Variants in FOXP1 observed in about 807,000 individuals in gnomAD.
FOXP1 encodes the protein forkhead box P1, also known as forkhead box protein P1.
In FOXP1, 15 loss-of-function variants were observed where a neutral mutation model predicts 98.2. The observed-to-expected ratio is 0.15, with a 90% confidence interval of 0.10 to 0.24. FOXP1 has a LOEUF of 0.24. Ranked by LOEUF, FOXP1 falls within the 10% of genes least tolerant of loss-of-function variation. The probability of loss-of-function intolerance (pLI) is 1.00; values close to 1 mark genes in which losing one functional copy is unlikely to be tolerated. For missense variants in FOXP1, 633 were observed against 848.5 expected (o/e 0.75, Z 3.15); for synonymous variants, 371 against 314.5 (o/e 1.18, Z -1.90).
chr3:71,581,798 GGACA>G (rs2048192044), intron 1 of FOXP1, 101 bp from the exon 2 acceptor site: 1 of 986,048 alleles, frequency 1.0e-6, no homozygotes. Flanking sequence ...CGAGGGGCCA[GGACA>G]GAGAGGGCAG....
chr3:71,133,942 AAATTG>A (rs1165415911), intron 6 of FOXP1, among the ~76,000 whole-genome samples: 2 of 152,168 alleles, frequency 1.3e-5, no homozygotes, highest in African/African-American at 4.8e-5. Flanking sequence ...TTTAAATTTT[AAATTG>A]AATATTTTTC....
chr3:71,370,363 C>T (rs189337479), intron 3 of FOXP1, among the ~76,000 whole-genome samples: 6 of 152,316 alleles, frequency 3.9e-5, no homozygotes, highest in Admixed American at 3.3e-4. Context: ...CACACTGACA[C>T]TGCTTTTCTA....
chr3:71,324,429 T>A (rs960219110), intron 4 of FOXP1, among the ~76,000 whole-genome samples: 1 of 152,298 alleles, frequency 6.6e-6, no homozygotes, highest in South Asian at 2.1e-4. Flanking sequence ...TGGAATACTA[T>A]GCAGCCATAA....
At chr3:71,450,959 G>A (rs1040690453) in intron 3 of FOXP1, among the ~76,000 whole-genome samples, 1 of 152,132 alleles carries the variant, frequency 6.6e-6, no homozygotes, top group Admixed American at 6.5e-5. Context: ...CACTACAGGC[G>A]TTTAGCCTTC....
At chr3:71,278,811 A>G (rs1033152906) in intron 5 of FOXP1, among the ~76,000 whole-genome samples, 2 of 152,062 alleles carry the variant, frequency 1.3e-5, no homozygotes, top group Admixed American at 6.5e-5. Context: ...ATTCCTAACA[A>G]GTAAAATACC....
chr3:70,981,485 C>T (rs923324658), intron 14 of FOXP1, among the ~76,000 whole-genome samples: 12 of 152,288 alleles, frequency 7.9e-5, no homozygotes, highest in East Asian at 1.9e-4. Flanking sequence ...TTAGGAGACG[C>T]GGATGGAGGT....
intron 17 of FOXP1, among the ~76,000 whole-genome samples, chr3:70,976,274 T>C (rs2037507606): frequency 6.6e-6 from 1 of 152,096 alleles, no homozygotes; most frequent in Non-Finnish European, 1.5e-5. Flanking sequence ...GGCTGGTCTC[T>C]AACTCCTGAG....
chr3:70,977,033 C>G lies in FOXP1; in HGVS notation c.1438G>C (p.Glu480Gln), dbSNP rs1434208843. The change falls in exon 17 of 21, where the codon GAA becomes CAA. Residue 480 changes from glutamate to glutamine, a missense_variant. Transcript: ENST00000649528. Reference sequence around the variant, plus strand: ...AGTGTTAGCTGCTTTTCTGGAGATTCGAGAATGGCCTGTGAAGCAGAATGT... The same window carrying G: ...AGTGTTAGCTGCTTTTCTGGAGATTGGAGAATGGCCTGTGAAGCAGAATGT... ...YASLIRQAIL[E>Q]SPEKQLTLNE... 1.9e-6 allele frequency: 3 copies of G among 1,610,778 alleles called. No homozygotes were observed. Among genetic ancestry groups the G allele is most frequent in the East Asian group, 2.2e-5 (1 of 44,852 alleles).
intron 3 of FOXP1, among the ~76,000 whole-genome samples, chr3:71,449,792 G>A (rs951360169): frequency 6.6e-6 from 1 of 152,180 alleles, no homozygotes; most frequent in African/African-American, 2.4e-5. Flanking sequence ...TTAAGGGGCT[G>A]TTTATAAATG....
chr3:71,192,146 C>T (rs1301481390), intron 6 of FOXP1, among the ~76,000 whole-genome samples: 2 of 152,154 alleles, frequency 1.3e-5, no homozygotes, highest in African/African-American at 2.4e-5. Flanking sequence ...CATCAAGAGA[C>T]CCTCCTTTCA....
At chr3:71,397,101 CATAT>C (rs1199139065) in intron 3 of FOXP1, among the ~76,000 whole-genome samples, 2 of 48,684 alleles carry the variant, frequency 4.1e-5, no homozygotes, top group South Asian at 5.5e-4. Flanking sequence ...TATATATATA[CATAT>C]ATATATATGT....
chr3:71,249,714 C>T (rs1576589794), intron 5 of FOXP1, among the ~76,000 whole-genome samples: 3 of 152,164 alleles, frequency 2.0e-5, no homozygotes, highest in Admixed American at 6.5e-5. Context: ...ATCCACTATA[C>T]CCCAAGACAT....
chr3:71,072,505 A>G (rs1006023379), intron 7 of FOXP1, among the ~76,000 whole-genome samples: 1 of 152,270 alleles, frequency 6.6e-6, no homozygotes, highest in African/African-American at 2.4e-5. Flanking sequence ...TCTCTAGGTC[A>G]TAAGCCCTAT....
intron 7 of FOXP1, among the ~76,000 whole-genome samples, chr3:71,060,929 T>C (rs2051384763): frequency 6.6e-6 from 1 of 152,180 alleles, no homozygotes; most frequent in Non-Finnish European, 1.5e-5. Context: ...AGTATTCATT[T>C]TTCTCATTCG....
At chr3:71,371,430 C>T (rs566097908) in intron 3 of FOXP1, among the ~76,000 whole-genome samples, 4 of 152,278 alleles carry the variant, frequency 2.6e-5, no homozygotes, top group African/African-American at 4.8e-5. Flanking sequence ...CCCCAGTCCA[C>T]GTGGTTTGTT....
intron 7 of FOXP1, among the ~76,000 whole-genome samples, chr3:71,062,647 A>T (rs1162142967): frequency 6.6e-6 from 1 of 152,204 alleles, no homozygotes; most frequent in East Asian, 1.9e-4. Context: ...ACAAACAGAA[A>T]GCCTACCTTA....
At chr3:71,054,291 T>C (rs1326060040) in intron 7 of FOXP1, among the ~76,000 whole-genome samples, 3 of 152,220 alleles carry the variant, frequency 2.0e-5, no homozygotes, top group Non-Finnish European at 4.4e-5. Context: ...CACAGACCCT[T>C]CGCATGATGC....
intron 5 of FOXP1, among the ~76,000 whole-genome samples, chr3:71,255,411 A>G (rs1369817145): frequency 2.0e-5 from 3 of 152,314 alleles, no homozygotes; most frequent in South Asian, 2.1e-4. Flanking sequence ...TGAAGTTTTA[A>G]AAAAATACCT....
At chr3:70,998,262 A>G (rs1264472760) in intron 13 of FOXP1, among the ~76,000 whole-genome samples, 1 of 152,208 alleles carries the variant, frequency 6.6e-6, no homozygotes, top group Non-Finnish European at 1.5e-5. Context: ...GCAATAGGTA[A>G]TCAGTAGATG....
Sources: gnomAD v4.1 joint callset for allele counts (sites outside exome capture counted in the v4.1 genomes callset) on GRCh38, gnomAD v4.1.1 for gene constraint, MANE v1.5 for transcripts, NCBI Gene and HGNC (gene_info 2026-07-23, HGNC 2026-07-21) for gene names.